The following NECTIN1 variants were observed in gnomAD, a reference collection of about 807,000 sequenced individuals.
NECTIN1 encodes nectin cell adhesion molecule 1, also known as nectin-1.
A neutral mutation model predicts 48.0 loss-of-function variants in NECTIN1; 23 were observed. That is an observed-to-expected ratio of 0.48 (90% CI 0.34 to 0.68). The LOEUF is 0.68. Among genes scored for constraint, NECTIN1 ranks in the 30% least tolerant of loss-of-function variants. The probability of loss-of-function intolerance (pLI) is 0.01; values close to 1 mark genes in which losing one functional copy is unlikely to be tolerated. For missense variants in NECTIN1, 591 were observed against 709.9 expected (o/e 0.83, Z 1.90); for synonymous variants, 270 against 288.9 (o/e 0.93, Z 0.66).
chr11:119,677,932 C>A lies in NECTIN1; in HGVS notation c.431-75G>T. 6.8e-7 allele frequency: 1 copy of A among 1,475,412 alleles called. No homozygotes were observed. Among genetic ancestry groups the A allele is most frequent in the African/African-American group, 1.4e-5 (1 of 72,090 alleles). The allele number at this position is 1,475,412 out of a possible 1,614,324, so 91.4% of individuals were successfully genotyped here. A position where few individuals can be genotyped will look rare whatever the true frequency, so the allele number is the denominator to read the frequency against. ...AGATGCACCGGCCAAAAGGGCGTGG[C>A]ATCCGTCAGGCCTTGTCTTCAGGTC... is the stretch of plus-strand genomic sequence containing the variant. On this transcript the variant is annotated intron_variant, in intron 2 of 5. Transcript: ENST00000264025. The surrounding 1 kb of genome is among the most constrained non-coding windows in gnomAD (Gnocchi z 5.4).
At position 119,706,527 on chromosome 11, in the gene NECTIN1, C is replaced by T. The variant is rs566010707; in HGVS notation, c.79+21948G>A. On this transcript the variant is annotated intron_variant, in intron 1 of 5. Transcript: ENST00000264025. Reference sequence around the variant, plus strand: ...CTGTATCTTCTCTCTGCACGCATTGCACCCTTGGAGTAAGGGTGGAAGCTA... The same window carrying T: ...CTGTATCTTCTCTCTGCACGCATTGTACCCTTGGAGTAAGGGTGGAAGCTA... Among the ~76,000 whole-genome samples the T allele has an allele frequency of 1.4e-4, 21 of 152,342 alleles. No homozygotes were observed. The East Asian group carries it at 2.5e-3, about 18-fold the overall frequency.
chr11:119,720,890 G>T (rs1173518138), intron 1 of NECTIN1, among the ~76,000 whole-genome samples: 1 of 152,192 alleles, frequency 6.6e-6, no homozygotes, highest in African/African-American at 2.4e-5. Context: ...GGACTAGGAA[G>T]CCCCTGCCAA....
Position 119,664,437 on chromosome 11 carries a change from C to T in NECTIN1, c.*310G>A. The T allele has an allele frequency of 1.7e-6, 2 of 1,166,190 alleles. No homozygotes were observed. The highest frequency in any genetic ancestry group is 3.5e-4 in the Middle Eastern group (1 of 2,820). 72.2% of individuals were successfully genotyped at this position (1,166,190 alleles called of 1,614,324 possible). A position where few individuals can be genotyped will look rare whatever the true frequency, so the allele number is the denominator to read the frequency against. On this transcript the variant is annotated 3_prime_UTR_variant, in exon 6 of 6. Transcript: ENST00000264025. ...CAAACCCTGGAGGGATGCCCAGGTA[C>T]ACAAGACGAGAACAGGGCTCCCTAC... is the stretch of plus-strand genomic sequence containing the variant.
At chr11:119,646,237 G>T (rs1864394768) in intron 5 of NECTIN1, among the ~76,000 whole-genome samples, 1 of 152,228 alleles carries the variant, frequency 6.6e-6, no homozygotes. Flanking sequence ...CTGGATGGAG[G>T]CTGGAGGCCC....
chr11:119,719,149 G>A (rs909956674), intron 1 of NECTIN1, among the ~76,000 whole-genome samples: 23 of 152,176 alleles, frequency 1.5e-4, no homozygotes, highest in African/African-American at 4.3e-4. Context: ...GATTAGGGAT[G>A]TTCAACCTGC....
At chr11:119,710,886 G>T (rs958871043) in intron 1 of NECTIN1, among the ~76,000 whole-genome samples, 3 of 152,042 alleles carry the variant, frequency 2.0e-5, no homozygotes, top group African/African-American at 7.2e-5. Flanking sequence ...ACACATCCAC[G>T]CACAACTTCA....
chr11:119,675,486 T>G (rs1321214724), intron 4 of NECTIN1, 176 bp from the exon 5 acceptor site: 1 of 651,150 alleles, frequency 1.5e-6, no homozygotes, highest in African/African-American at 1.8e-5. Flanking sequence ...TAGTTTTATA[T>G]TATTCAGCTT....
At chr11:119,704,151 GC>G (rs1187751191) in intron 1 of NECTIN1, among the ~76,000 whole-genome samples, 1 of 152,048 alleles carries the variant, frequency 6.6e-6, no homozygotes, top group Admixed American at 6.5e-5. Flanking sequence ...TCATTTTCCT[GC>G]ACACGAACCT....
chr11:119,724,165 A>C (rs545762394), intron 1 of NECTIN1, among the ~76,000 whole-genome samples: 154 of 152,106 alleles, frequency 1.0e-3, no homozygotes, highest in African/African-American at 3.5e-3. Context: ...TCCCCTCCCC[A>C]CACACACCAT....
intron 1 of NECTIN1, among the ~76,000 whole-genome samples, chr11:119,702,853 C>T (rs1375495205): frequency 6.6e-6 from 1 of 152,188 alleles, no homozygotes; most frequent in Non-Finnish European, 1.5e-5. Context: ...AGGGCCTTCC[C>T]AGGGTCTCTT....
rs200132006 is a variant in NECTIN1, at chr11:119,639,898, T to C, written c.1118A>G (p.Gln373Arg). Residue 373 changes from glutamine (Q) to arginine (R), a missense_variant, in exon 6 of 8, where the codon CAG (glutamine) becomes CGG (arginine). Physicochemically the swap from Gln to Arg is conservative, Grantham distance 43. Coordinates refer to the NECTIN1 transcript ENST00000341398. ...ATCCGTCTCCGGTGGGCTCTTCTGC[T>C]GCCGGTTGTACAGGAAGAAGACAGT... 1.9e-5 allele frequency: 30 copies of C among 1,614,152 alleles called. No homozygotes were observed. The East Asian group carries it at 6.7e-4, about 36-fold the overall frequency.
downstream of NECTIN1, among the ~76,000 whole-genome samples, chr11:119,660,776 C>T (rs953130952): frequency 1.3e-5 from 2 of 152,168 alleles, no homozygotes; most frequent in African/African-American, 4.8e-5. Flanking sequence ...GCGATGCTGT[C>T]GTCAAAGTCC....
intron 1 of NECTIN1, among the ~76,000 whole-genome samples, chr11:119,680,073 A>T (rs1865031797): frequency 6.6e-6 from 1 of 152,210 alleles, no homozygotes; most frequent in Non-Finnish European, 1.5e-5. Context: ...AATATTTGTT[A>T]CTACACAAAT....
At chr11:119,638,701 G>A in intron 7 of NECTIN1, 2 of 1,598,668 alleles carry the variant, frequency 1.3e-6, no homozygotes, top group Non-Finnish European at 1.7e-6. Flanking sequence ...CGCAGTCCAG[G>A]GACCTTGTCC....
chr11:119,638,202 C>A (rs1413763681), exon 8 of NECTIN1: 1 of 1,613,980 alleles, frequency 6.2e-7, no homozygotes, highest in African/African-American at 1.3e-5. Flanking sequence ...TTCTGCAAGT[C>A]CTCCTCTTCT....
chr11:119,640,095 C>T, intron 5 of NECTIN1: 3 of 1,411,934 alleles, frequency 2.1e-6, no homozygotes, highest in Non-Finnish European at 1.9e-6. Flanking sequence ...AGAGTCAGAC[C>T]CTGAGGCAGT....
At chr11:119,666,141 G>T (rs911289873) in intron 5 of NECTIN1, among the ~76,000 whole-genome samples, 1 of 152,212 alleles carries the variant, frequency 6.6e-6, no homozygotes, top group Admixed American at 6.5e-5. Context: ...CAGAAATGGG[G>T]GTGAAAGCAT....
In NECTIN1 at chr11:119,661,359, A is replaced by G; in HGVS notation, c.*3388T>C. Reference sequence around the variant, plus strand: ...TCACAAGCTGGGCAGTGTTGGCAGCAGTGGCAGCAGCAGAGGGGCCTGCCT... The same window carrying G: ...TCACAAGCTGGGCAGTGTTGGCAGCGGTGGCAGCAGCAGAGGGGCCTGCCT... On this transcript the variant is annotated 3_prime_UTR_variant, in exon 6 of 6. Coordinates refer to ENST00000264025, the MANE Select transcript of NECTIN1 (RefSeq NM_002855.5). 1 of 986,600 alleles carries G rather than the reference A, an allele frequency of 1.0e-6. No homozygotes were observed. The highest frequency in any genetic ancestry group is 1.2e-6 in the Non-Finnish European group (1 of 830,534). 61.1% of individuals were successfully genotyped at this position (986,600 alleles called of 1,614,324 possible).
chr11:119,668,809 G>A (rs1054028688), intron 5 of NECTIN1, among the ~76,000 whole-genome samples: 12 of 152,192 alleles, frequency 7.9e-5, no homozygotes, highest in Admixed American at 7.2e-4. Context: ...TGGTCCTTCT[G>A]CCAGTTTTCA....
Sources: allele counts gnomAD v4.1 joint callset (sites outside exome capture counted in the v4.1 genomes callset), GRCh38; gene constraint gnomAD v4.1.1; non-coding constraint Gnocchi (gnomAD v3.1); transcripts MANE v1.5; gene names NCBI Gene and HGNC (gene_info 2026-07-23, HGNC 2026-07-21).